The following GARIN2 variants were observed in gnomAD, a reference collection of about 807,000 sequenced individuals.
GARIN2 encodes the protein golgi associated RAB2 interactor family member 2, also known as Golgi-associated RAB2 interactor protein 2.
At chr14:67,221,741 G>A in the GARIN2 span, 3 of 1,610,264 alleles carry the variant, frequency 1.9e-6, no homozygotes, top group Non-Finnish European at 2.5e-6. Context: ...TTGTGGTTAT[G>A]CTGGCAAATT....
chr14:67,190,665 G>A, the GARIN2 span, among the ~76,000 whole-genome samples: 1 of 152,122 alleles, frequency 6.6e-6, no homozygotes, highest in Non-Finnish European at 1.5e-5. Context: ...CAGAACACAA[G>A]GCTTTCTCTT....
chr14:67,192,340 C>T, the GARIN2 span, among the ~76,000 whole-genome samples: 1 of 152,090 alleles, frequency 6.6e-6, no homozygotes, highest in Non-Finnish European at 1.5e-5. Context: ...TGCTTTAATT[C>T]TCACTTTCAT....
the GARIN2 span, among the ~76,000 whole-genome samples, chr14:67,214,250 T>C: frequency 6.6e-6 from 1 of 152,202 alleles, no homozygotes; most frequent in Non-Finnish European, 1.5e-5. Flanking sequence ...CATGCCTATG[T>C]CCTGAATGGT....
chr14:67,201,476 G>A, the GARIN2 span: 1 of 456,030 alleles, frequency 2.2e-6, no homozygotes, highest in Non-Finnish European at 4.4e-6. Context: ...AATGATAGCT[G>A]CCAGCAGTAG....
the GARIN2 span, among the ~76,000 whole-genome samples, chr14:67,222,956 GT>G: frequency 6.7e-6 from 1 of 148,790 alleles, no homozygotes; most frequent in African/African-American, 2.5e-5. Context: ...TATAGAATAG[GT>G]TTTTACACAA....
the GARIN2 span, chr14:67,199,580 G>A: frequency 1.4e-5 from 22 of 1,594,504 alleles, no homozygotes; most frequent in South Asian, 8.8e-5. Flanking sequence ...CCCTATCACC[G>A]TATCTTATGC....
At chr14:67,198,292 C>T in the GARIN2 span, 1 of 1,613,756 alleles carries the variant, frequency 6.2e-7, no homozygotes, top group Non-Finnish European at 8.5e-7. Context: ...TTTGTATCTC[C>T]TCCCATGTTA....
chr14:67,195,291 C>T, the GARIN2 span, among the ~76,000 whole-genome samples: 1 of 152,106 alleles, frequency 6.6e-6, no homozygotes, highest in Non-Finnish European at 1.5e-5. Context: ...CCTTGAATTC[C>T]TTCCTTTTCT....
chr14:67,208,074 C>T, the GARIN2 span: 8 of 1,373,146 alleles, frequency 5.8e-6, no homozygotes, highest in East Asian at 1.9e-4. Context: ...TCACTCCCTC[C>T]TTACTACTCC....
the GARIN2 span, among the ~76,000 whole-genome samples, chr14:67,217,189 C>T: frequency 6.6e-6 from 1 of 151,948 alleles, no homozygotes; most frequent in Non-Finnish European, 1.5e-5. Flanking sequence ...CAGTTTCTGA[C>T]ATAAATTCTG....
the GARIN2 span, among the ~76,000 whole-genome samples, chr14:67,212,484 G>A: frequency 6.6e-6 from 1 of 151,074 alleles, no homozygotes; most frequent in Non-Finnish European, 1.5e-5. Context: ...CCAGTTATTA[G>A]GGAGGCTGAA....
chr14:67,220,509 A>G, the GARIN2 span, among the ~76,000 whole-genome samples: 1 of 152,188 alleles, frequency 6.6e-6, no homozygotes, highest in African/African-American at 2.4e-5. Flanking sequence ...CTAGTCTTTA[A>G]AATTTAAATT....
At chr14:67,206,600 T>A in the GARIN2 span, among the ~76,000 whole-genome samples, 1 of 152,148 alleles carries the variant, frequency 6.6e-6, no homozygotes, top group African/African-American at 2.4e-5. Flanking sequence ...AATAAAATGT[T>A]AAGTGAAAAA....
At chr14:67,216,830 C>T in the GARIN2 span, among the ~76,000 whole-genome samples, 4 of 152,232 alleles carry the variant, frequency 2.6e-5, no homozygotes, top group African/African-American at 9.6e-5. Flanking sequence ...TGTGTCCTAA[C>T]ATATAGTCAA....
chr14:67,223,583 C>A, the GARIN2 span: 1 of 320,616 alleles, frequency 3.1e-6, no homozygotes, highest in Non-Finnish European at 4.5e-6. Flanking sequence ...AGCAAATGAG[C>A]AGAAAAATTC....
chr14:67,213,258 C>T, the GARIN2 span, among the ~76,000 whole-genome samples: 2 of 149,708 alleles, frequency 1.3e-5, no homozygotes, highest in African/African-American at 4.9e-5. Context: ...TGGTGTGCTG[C>T]ACCCATTAAC....
chr14:67,212,586 G>A, the GARIN2 span, among the ~76,000 whole-genome samples: 1 of 101,226 alleles, frequency 9.9e-6, no homozygotes, highest in Non-Finnish European at 2.0e-5. Context: ...GCAAGACCCT[G>A]TTGAAAAAAA....
chr14:67,198,777 G>C, the GARIN2 span, among the ~76,000 whole-genome samples: 1 of 152,300 alleles, frequency 6.6e-6, no homozygotes, highest in African/African-American at 2.4e-5. Flanking sequence ...CCTACATTAT[G>C]AATGAAACTG....
At chr14:67,212,642 T>A in the GARIN2 span, among the ~76,000 whole-genome samples, 1 of 145,630 alleles carries the variant, frequency 6.9e-6, no homozygotes, top group Non-Finnish European at 1.5e-5. Flanking sequence ...TAATATATAT[T>A]ACATATATAT....
Sources: gnomAD v4.1 joint callset for allele counts (sites outside exome capture counted in the v4.1 genomes callset) on GRCh38, gnomAD v4.1.1 for gene constraint, MANE v1.5 for transcripts, NCBI Gene and HGNC (gene_info 2026-07-23, HGNC 2026-07-21) for gene names.